GALNTL6: variants seen among roughly 807,000 people sequenced by gnomAD.
GALNTL6 encodes the protein polypeptide N-acetylgalactosaminyltransferase-like 6.
Under a neutral mutation model 73.7 loss-of-function variants are expected in GALNTL6, and 46 were observed. The ratio of observed to expected loss-of-function variants is 0.62; its 90% CI spans 0.49 to 0.80. The LOEUF is 0.80. Among genes scored for constraint, GALNTL6 ranks in the 30% least tolerant of loss-of-function variants. GALNTL6 has a pLI of 0.00. For synonymous variants in GALNTL6, 259 were observed against 263.7 expected (o/e 0.98, Z 0.17); for missense variants, 604 against 755.0 (o/e 0.80, Z 2.34).
chr4:171,980,329 C>T (rs957522742), intron 2 of GALNTL6, among the ~76,000 whole-genome samples: 3 of 152,042 alleles, frequency 2.0e-5, no homozygotes, highest in Admixed American at 6.6e-5. Flanking sequence ...TCGTTTAGAA[C>T]GCAGCCTGTA....
intron 5 of GALNTL6, among the ~76,000 whole-genome samples, chr4:172,794,644 T>C (rs1412157012): frequency 1.3e-5 from 2 of 152,226 alleles, no homozygotes; most frequent in Non-Finnish European, 2.9e-5. Flanking sequence ...ATCTTTATCT[T>C]GTTTATGACC....
intron 5 of GALNTL6, among the ~76,000 whole-genome samples, chr4:172,706,154 G>A (rs192939505): frequency 6.6e-6 from 1 of 151,778 alleles, no homozygotes; most frequent in Non-Finnish European, 1.5e-5. Flanking sequence ...CATTCTTTTT[G>A]TTTTCTTTTT....
At chr4:172,688,070 AC>A (rs1164644375) in intron 5 of GALNTL6, among the ~76,000 whole-genome samples, 3 of 152,216 alleles carry the variant, frequency 2.0e-5, no homozygotes, top group African/African-American at 7.2e-5. Flanking sequence ...CCTTGTATTC[AC>A]CTGGCTTTAA....
intron 5 of GALNTL6, among the ~76,000 whole-genome samples, chr4:172,439,794 G>A (rs336006): frequency 6.6e-6 from 1 of 151,942 alleles, no homozygotes; most frequent in Admixed American, 6.6e-5. Context: ...AGTTTTAGGT[G>A]CACATCAATA....
At chr4:171,982,582 G>A (rs1481913967) in intron 2 of GALNTL6, among the ~76,000 whole-genome samples, 1 of 152,118 alleles carries the variant, frequency 6.6e-6, no homozygotes, top group Non-Finnish European at 1.5e-5. Context: ...ACAAGCATGA[G>A]CCACCGCGCC....
chr4:172,748,867 A>G (rs1021455550), intron 5 of GALNTL6, among the ~76,000 whole-genome samples: 1 of 151,952 alleles, frequency 6.6e-6, no homozygotes, highest in Admixed American at 6.6e-5. Context: ...GCATGCATAT[A>G]CACATATTTT....
chr4:172,409,647 TATAAA>T (rs1744361750), intron 5 of GALNTL6, among the ~76,000 whole-genome samples: 1 of 152,024 alleles, frequency 6.6e-6, no homozygotes, highest in African/African-American at 2.4e-5. Flanking sequence ...TACTATAAAA[TATAAA>T]GTAGAAAAAT....
intron 5 of GALNTL6, among the ~76,000 whole-genome samples, chr4:172,619,648 A>G (rs1738879923): frequency 6.6e-6 from 1 of 152,192 alleles, no homozygotes; most frequent in African/African-American, 2.4e-5. Flanking sequence ...AACTTAACCT[A>G]GTTATTGAGG....
At chr4:172,773,333 C>T (rs7695082) in intron 5 of GALNTL6, among the ~76,000 whole-genome samples, 78,863 of 151,822 alleles carry the variant, frequency 0.52, 21,332 homozygotes, top group East Asian at 0.78. Context: ...CCCAAGTAGC[C>T]GGAATTATAG....
intron 2 of GALNTL6, among the ~76,000 whole-genome samples, chr4:171,876,722 T>A (rs1474636379): frequency 6.6e-6 from 1 of 152,232 alleles, no homozygotes. Flanking sequence ...GAGTTGTGAA[T>A]AAGAATTGTC....
chr4:172,964,333 G>T (rs1447723548), intron 10 of GALNTL6, among the ~76,000 whole-genome samples: 1 of 152,124 alleles, frequency 6.6e-6, no homozygotes, highest in African/African-American at 2.4e-5. Flanking sequence ...TAAATATCAT[G>T]TGTAAGAAGG....
intron 7 of GALNTL6, among the ~76,000 whole-genome samples, chr4:172,829,460 A>G (rs965821983): frequency 6.6e-6 from 1 of 152,226 alleles, no homozygotes; most frequent in Admixed American, 6.5e-5. Context: ...TGAAAGAAGA[A>G]GGTAAAATAT....
intron 2 of GALNTL6, among the ~76,000 whole-genome samples, chr4:172,149,935 G>A (rs901026024): frequency 2.0e-5 from 3 of 152,302 alleles, no homozygotes; most frequent in African/African-American, 7.2e-5. Context: ...GCAAGTAACT[G>A]CCACAAACTG....
chr4:171,989,633 A>G (rs995045714), intron 2 of GALNTL6, among the ~76,000 whole-genome samples: 1 of 152,188 alleles, frequency 6.6e-6, no homozygotes, highest in Non-Finnish European at 1.5e-5. Context: ...ATACATTGCT[A>G]CTTGGCTGCC....
At chr4:172,801,667 G>T (rs185858686) in intron 5 of GALNTL6, among the ~76,000 whole-genome samples, 425 of 152,248 alleles carry the variant, frequency 2.8e-3, no homozygotes, top group Non-Finnish European at 3.8e-3. Flanking sequence ...TGAATACATA[G>T]GTGCTGTGTT....
rs78195272 is a variant in GALNTL6, at chr4:172,045,661, T to C, written c.139-183995T>C. Among the ~76,000 whole-genome samples the C allele has an allele frequency of 8.8e-4, 134 of 152,050 alleles. 1 individual carries two copies. The East Asian group carries it at 0.023, about 26-fold the overall frequency. On this transcript the variant is annotated intron_variant, in intron 2 of 12. Transcript: ENST00000506823. ...GTGAACTGATATTTCATGTTTTCTT[T>C]AATAGAAAATATCTCCATATTTATA...
At chr4:172,464,249 GA>G (rs1209432173) in intron 5 of GALNTL6, among the ~76,000 whole-genome samples, 7 of 152,072 alleles carry the variant, frequency 4.6e-5, no homozygotes, top group African/African-American at 1.4e-4. Flanking sequence ...ATAAATAGTA[GA>G]AAAATTATGA....
chr4:172,932,968 C>T (rs1748428228), intron 9 of GALNTL6, among the ~76,000 whole-genome samples: 1 of 152,082 alleles, frequency 6.6e-6, no homozygotes, highest in African/African-American at 2.4e-5. Context: ...CTCTAAGTAG[C>T]TGTCAAAATA....
At chr4:172,739,998 C>G (rs1736707751) in intron 5 of GALNTL6, among the ~76,000 whole-genome samples, 1 of 151,794 alleles carries the variant, frequency 6.6e-6, no homozygotes, top group East Asian at 1.9e-4. Context: ...GGCACCATAT[C>G]TTACTGATAA....
Sources: allele counts gnomAD v4.1 joint callset (sites outside exome capture counted in the v4.1 genomes callset), GRCh38; gene constraint gnomAD v4.1.1; transcripts MANE v1.5; gene names NCBI Gene and HGNC (gene_info 2026-07-23, HGNC 2026-07-21).